The following TEX2 variants were observed in gnomAD, a reference collection of about 807,000 sequenced individuals.
TEX2 encodes the protein testis expressed 2, also known as testis-expressed protein 2.
TEX2 carries 53 observed loss-of-function variants against 106.9 expected under a neutral mutation model. The ratio of observed to expected loss-of-function variants is 0.50; its 90% CI spans 0.40 to 0.62. The LOEUF (loss-of-function observed/expected upper bound fraction) is 0.62, where lower values mean the gene tolerates loss of function less well. Among genes scored for constraint, TEX2 ranks in the 20% least tolerant of loss-of-function variants. The probability of loss-of-function intolerance (pLI) is 0.00; values close to 1 mark genes in which losing one functional copy is unlikely to be tolerated. For synonymous variants in TEX2, 523 were observed against 534.8 expected (o/e 0.98, Z 0.30); for missense variants, 1,207 against 1,379.0 (o/e 0.88, Z 1.98).
At chr17:64,220,106 A>G (rs1261432863) in intron 1 of TEX2, among the ~76,000 whole-genome samples, 1 of 152,228 alleles carries the variant, frequency 6.6e-6, no homozygotes, top group Non-Finnish European at 1.5e-5. Context: ...GGAGGGGAAG[A>G]AAATATCTGC....
intron 2 of TEX2, among the ~76,000 whole-genome samples, chr17:64,196,982 A>ATAT (rs781980439): frequency 2.2e-4 from 14 of 63,574 alleles, no homozygotes; most frequent in African/African-American, 7.7e-4. Context: ...TCAAATCAAG[A>ATAT]TTTTTTTTTT....
At chr17:64,194,014 T>G in intron 3 of TEX2, 125 bp from the exon 4 acceptor site, 1 of 552,096 alleles carries the variant, frequency 1.8e-6, no homozygotes, top group South Asian at 7.3e-5. Flanking sequence ...ATGAAATAAC[T>G]TTCAACACTT....
chr17:64,214,164 T>G lies in TEX2; in HGVS notation c.54A>C (p.Pro18=), dbSNP rs782071963. ...HAEKTTDMPK[P]SAPKVHVQRS... Reference sequence around the variant, plus strand: ...TCTGCACGTGCACTTTAGGGGCTGATGGTTTTGGCATGTCAGTGGTTTTCT... The same window carrying G: ...TCTGCACGTGCACTTTAGGGGCTGAGGGTTTTGGCATGTCAGTGGTTTTCT... The change falls in exon 2 of 12, where the codon CCA becomes CCC. Residue 18 remains proline, a synonymous_variant. Coordinates refer to ENST00000584379, the MANE Select transcript of TEX2 (RefSeq NM_001288732.2). The G allele has an allele frequency of 1.2e-6, 2 of 1,614,168 alleles. No individual in the cohort carries two copies. Among genetic ancestry groups the G allele is most frequent in the Non-Finnish European group, 8.5e-7 (1 of 1,180,014 alleles).
rs2032973238 is a variant in TEX2 at position 64,210,647 on chromosome 17, T to TTTTTTTTTTTTTG, written c.1644+1914_1644+1926dup. Among the ~76,000 whole-genome samples, 3 of 148,652 alleles carry TTTTTTTTTTTTTG rather than the reference T, an allele frequency of 2.0e-5. 1 individual carries two copies. Among genetic ancestry groups the TTTTTTTTTTTTTG allele is most frequent in the Non-Finnish European group, 3.0e-5 (2 of 67,104 alleles). On this transcript the variant is annotated intron_variant, in intron 2 of 11. Coordinates refer to ENST00000584379, the MANE Select transcript of TEX2 (RefSeq NM_001288732.2). ...CCCAACCCCCAGCTTTTTTTTTTTT[T>TTTTTTTTTTTTTG]TTTTTTTTTTTTGCAATAGGGACAT...
intron 7 of TEX2, among the ~76,000 whole-genome samples, chr17:64,163,800 C>T (rs2030995543): frequency 6.6e-6 from 1 of 152,228 alleles, no homozygotes; most frequent in Non-Finnish European, 1.5e-5. Flanking sequence ...GCCCCATGAG[C>T]ACCATCTTCC....
At chr17:64,193,096 G>A (rs1260765630) in intron 4 of TEX2, among the ~76,000 whole-genome samples, 1 of 152,202 alleles carries the variant, frequency 6.6e-6, no homozygotes, top group Non-Finnish European at 1.5e-5. Context: ...AAGAGGTGCT[G>A]CATGGTTATC....
chr17:64,210,634 C>CTTTTTGTTTTTTTTTTTT (rs2032970533), intron 2 of TEX2, among the ~76,000 whole-genome samples: 1 of 74,786 alleles, frequency 1.3e-5, no homozygotes, highest in Non-Finnish European at 2.4e-5. Flanking sequence ...CAACCCCCAG[C>CTTTTTGTTTTTTTTTTTT]TTTTTTTTTT....
At chr17:64,247,700 C>G (rs571227381) in intron 1 of TEX2, among the ~76,000 whole-genome samples, 1 of 152,296 alleles carries the variant, frequency 6.6e-6, no homozygotes, top group Non-Finnish European at 1.5e-5. Flanking sequence ...GGCTTTAGAG[C>G]TTTTTAGATG....
chr17:64,149,434 G>A, intron 11 of TEX2: 1 of 192,446 alleles, frequency 5.2e-6, no homozygotes, highest in Admixed American at 5.8e-5. Context: ...ACTATGTCTA[G>A]AACACATATT....
rs933376480 is a variant in TEX2, at chr17:64,157,972, G to A, written c.2804+2829C>T. Among the ~76,000 whole-genome samples the A allele has an allele frequency of 5.3e-5, 8 of 152,312 alleles. No individual in the cohort carries two copies. In the South Asian group the frequency reaches 1.7e-3, roughly 32 times the overall value. On this transcript the variant is annotated intron_variant, in intron 8 of 11. Coordinates refer to ENST00000584379, the MANE Select transcript of TEX2 (RefSeq NM_001288732.2). ...TTAAAGGCCACCCAAAAGGCAGAGCGCTCCCTTTAACTAACTCATTCTGGC... is the reference window on the plus strand; with the variant it reads ...TTAAAGGCCACCCAAAAGGCAGAGCACTCCCTTTAACTAACTCATTCTGGC...
intron 1 of TEX2, among the ~76,000 whole-genome samples, chr17:64,258,716 A>G (rs2034231669): frequency 6.6e-6 from 1 of 152,082 alleles, no homozygotes; most frequent in African/African-American, 2.4e-5. Context: ...GACTGCTAGC[A>G]GTAGGGGATG....
At chr17:64,165,071 T>C (rs73992994) in intron 7 of TEX2, among the ~76,000 whole-genome samples, 6,187 of 152,260 alleles carry the variant, frequency 0.041, 427 homozygotes, top group African/African-American at 0.14. Context: ...CCTGTAACTA[T>C]TAACAGCTGA....
At chr17:64,210,248 T>TA (rs1254691997) in intron 2 of TEX2, among the ~76,000 whole-genome samples, 1 of 151,932 alleles carries the variant, frequency 6.6e-6, no homozygotes, top group African/African-American at 2.4e-5. Flanking sequence ...ACGCTAAGCT[T>TA]AAGGGTGTCA....
intron 1 of TEX2, among the ~76,000 whole-genome samples, chr17:64,260,781 G>A (rs2034275361): frequency 6.6e-6 from 1 of 152,138 alleles, no homozygotes; most frequent in Admixed American, 6.5e-5. Flanking sequence ...GAGACCTTCA[G>A]GAGATAAGGA....
At chr17:64,179,607 C>T (rs949700146) in intron 5 of TEX2, among the ~76,000 whole-genome samples, 4 of 152,152 alleles carry the variant, frequency 2.6e-5, no homozygotes, top group Admixed American at 6.5e-5. Context: ...CAGCAGGAAC[C>T]AACTCCACAT....
At chr17:64,154,536 T>C (rs950117527) in intron 9 of TEX2, among the ~76,000 whole-genome samples, 1 of 151,764 alleles carries the variant, frequency 6.6e-6, no homozygotes, top group Non-Finnish European at 1.5e-5. Flanking sequence ...GGGGAGGGGG[T>C]GTATGCTCGG....
intron 1 of TEX2, among the ~76,000 whole-genome samples, chr17:64,235,327 C>T (rs1386110961): frequency 2.0e-5 from 3 of 152,234 alleles, no homozygotes; most frequent in Non-Finnish European, 2.9e-5. Flanking sequence ...CTGCCTCATG[C>T]GGATGCTTCC....
chr17:64,198,664 C>G (rs928296348), intron 2 of TEX2, among the ~76,000 whole-genome samples: 9 of 131,814 alleles, frequency 6.8e-5, no homozygotes, highest in African/African-American at 2.3e-4. Flanking sequence ...AATACCTAAG[C>G]TGAGATGCTC....
At chr17:64,208,238 GT>G (rs1407928726) in intron 2 of TEX2, among the ~76,000 whole-genome samples, 1 of 151,204 alleles carries the variant, frequency 6.6e-6, no homozygotes, top group Non-Finnish European at 1.5e-5. Context: ...TTTTGTTTTT[GT>G]TTTTGTTTTG....
Sources: allele counts gnomAD v4.1 joint callset (sites outside exome capture counted in the v4.1 genomes callset), GRCh38; gene constraint gnomAD v4.1.1; transcripts MANE v1.5; gene names NCBI Gene and HGNC (gene_info 2026-07-23, HGNC 2026-07-21).